Variants in ZNF385B observed in about 807,000 individuals in gnomAD.
The protein encoded by ZNF385B is zinc finger protein 385B.
In ZNF385B, 23 loss-of-function variants were observed where a neutral mutation model predicts 39.2. That is an observed-to-expected ratio of 0.59 (90% confidence interval 0.42 to 0.83). The LOEUF (loss-of-function observed/expected upper bound fraction) is 0.83. ZNF385B is among the 40% of genes least tolerant of loss of function. ZNF385B has a pLI of 0.00. For synonymous variants in ZNF385B, 205 were observed against 222.6 expected (o/e 0.92, Z 0.70); for missense variants, 552 against 598.9 (o/e 0.92, Z 0.82).
chr2:179,631,996 A>G lies in ZNF385B; in HGVS notation c.299-87027T>C, dbSNP rs1038181332. Among the ~76,000 whole-genome samples the G allele has an allele frequency of 4.6e-5, 7 of 152,202 alleles. No homozygotes were observed. In the East Asian group the frequency reaches 1.3e-3, roughly 29 times the overall value. On this transcript the variant is annotated intron_variant, in intron 3 of 9. Coordinates refer to ENST00000410066, the MANE Select transcript of ZNF385B (RefSeq NM_152520.6). Reference sequence around the variant, plus strand: ...ATCAATTCAACAAGACGAGCTAACTATCCTAAATATATATGCACCCATTTC... The same window carrying G: ...ATCAATTCAACAAGACGAGCTAACTGTCCTAAATATATATGCACCCATTTC...
At chr2:179,493,681 A>ATATATGTACACGCATATGCATATATG (rs1559336508) in intron 5 of ZNF385B, among the ~76,000 whole-genome samples, 1 of 117,190 alleles carries the variant, frequency 8.5e-6, no homozygotes, top group Non-Finnish European at 1.8e-5. Context: ...ATGCATATAC[A>ATATATGTACACGCATATGCATATATG]TATACACATA....
At chr2:179,505,352 T>C (rs1051624256) in intron 5 of ZNF385B, among the ~76,000 whole-genome samples, 10 of 152,030 alleles carry the variant, frequency 6.6e-5, no homozygotes, top group African/African-American at 2.4e-4. Flanking sequence ...GCAGTGTATA[T>C]AGGACATTTT....
At chr2:179,666,564 T>C (rs1364319037) in intron 3 of ZNF385B, among the ~76,000 whole-genome samples, 1 of 152,222 alleles carries the variant, frequency 6.6e-6, no homozygotes, top group African/African-American at 2.4e-5. Flanking sequence ...TATATAATCA[T>C]AGAATCTCAA....
intron 1 of ZNF385B, among the ~76,000 whole-genome samples, chr2:179,813,420 T>C (rs1036028012): frequency 3.3e-5 from 5 of 152,076 alleles, no homozygotes; most frequent in African/African-American, 1.2e-4. Flanking sequence ...TGCGTGAAAG[T>C]AAAAGGCAGA....
chr2:179,736,993 T>C (rs1211744850), intron 3 of ZNF385B, among the ~76,000 whole-genome samples: 1 of 152,138 alleles, frequency 6.6e-6, no homozygotes, highest in African/African-American at 2.4e-5. Flanking sequence ...CAAAACTTTA[T>C]ACTGGAGTAA....
intron 3 of ZNF385B, among the ~76,000 whole-genome samples, chr2:179,762,651 G>A (rs1452951896): frequency 6.6e-6 from 1 of 152,014 alleles, no homozygotes. Context: ...TATTCTGTAG[G>A]GTTTCTAAAA....
intron 3 of ZNF385B, among the ~76,000 whole-genome samples, chr2:179,708,866 A>G (rs1699803193): frequency 6.6e-6 from 1 of 152,218 alleles, no homozygotes. Flanking sequence ...CATACCCCAA[A>G]CAAAACAGCC....
intron 3 of ZNF385B, among the ~76,000 whole-genome samples, chr2:179,764,110 T>C (rs1489164614): frequency 6.6e-6 from 1 of 152,194 alleles, no homozygotes; most frequent in Non-Finnish European, 1.5e-5. Context: ...CTATCAGTTT[T>C]TGCTTCATGT....
intron 3 of ZNF385B, among the ~76,000 whole-genome samples, chr2:179,748,586 T>A (rs1206933466): frequency 6.6e-6 from 1 of 152,142 alleles, no homozygotes; most frequent in African/African-American, 2.4e-5. Context: ...TGCTATAAAC[T>A]ACTTGCAATA....
At chr2:179,670,537 A>G (rs13401562) in intron 3 of ZNF385B, among the ~76,000 whole-genome samples, 2,472 of 152,286 alleles carry the variant, frequency 0.016, 55 homozygotes, top group African/African-American at 0.056. Flanking sequence ...TTTGTTACTC[A>G]CTTTGAAATA....
chr2:179,489,024 G>A (rs890420757), intron 5 of ZNF385B, among the ~76,000 whole-genome samples: 1 of 152,104 alleles, frequency 6.6e-6, no homozygotes, highest in African/African-American at 2.4e-5. Flanking sequence ...TAAAATGGGA[G>A]GTACCAAGAA....
intron 3 of ZNF385B, among the ~76,000 whole-genome samples, chr2:179,755,726 T>C (rs1368808495): frequency 2.0e-5 from 3 of 152,200 alleles, no homozygotes; most frequent in Non-Finnish European, 4.4e-5. Context: ...TGGTTTAAAG[T>C]CTGTTTTATC....
At chr2:179,708,197 T>C (rs114203280) in intron 3 of ZNF385B, among the ~76,000 whole-genome samples, 1,736 of 152,290 alleles carry the variant, frequency 0.011, 30 homozygotes, top group African/African-American at 0.038. Flanking sequence ...GGGAGGGACC[T>C]GGTAGGAGGT....
At chr2:179,451,366 T>G (rs913351748) in intron 6 of ZNF385B, among the ~76,000 whole-genome samples, 3 of 151,782 alleles carry the variant, frequency 2.0e-5, no homozygotes, top group Admixed American at 6.6e-5. Flanking sequence ...GTTTTCTTGG[T>G]GAATACCTGG....
intron 6 of ZNF385B, among the ~76,000 whole-genome samples, chr2:179,451,489 C>A (rs1422897024): frequency 6.6e-6 from 1 of 152,156 alleles, no homozygotes; most frequent in East Asian, 1.9e-4. Context: ...TAAGGGCAGA[C>A]ACTTTCCTTT....
intron 5 of ZNF385B, among the ~76,000 whole-genome samples, chr2:179,493,793 A>ACATATGTGTATATACATATATGTATG (rs2055817895): frequency 6.9e-6 from 1 of 144,978 alleles, no homozygotes; most frequent in Non-Finnish European, 1.5e-5. Flanking sequence ...ACATATGTAT[A>ACATATGTGTATATACATATATGTATG]CATATATGTA....
chr2:179,671,382 G>A (rs1420425285), intron 3 of ZNF385B, among the ~76,000 whole-genome samples: 1 of 152,126 alleles, frequency 6.6e-6, no homozygotes, highest in Non-Finnish European at 1.5e-5. Context: ...TTTAAAAATG[G>A]AATTATTAAT....
chr2:179,847,201 A>G (rs1708840758), intron 1 of ZNF385B, among the ~76,000 whole-genome samples: 1 of 152,204 alleles, frequency 6.6e-6, no homozygotes. Context: ...CCCTATGACC[A>G]GGCTATAGCT....
intron 3 of ZNF385B, among the ~76,000 whole-genome samples, chr2:179,655,439 T>C (rs752489114): frequency 2.6e-5 from 4 of 151,930 alleles, no homozygotes; most frequent in Admixed American, 6.6e-5. Context: ...CCCTTCTCCA[T>C]TGGAGTTTTG....
Sources: gnomAD v4.1 joint callset for allele counts (sites outside exome capture counted in the v4.1 genomes callset) on GRCh38, gnomAD v4.1.1 for gene constraint, MANE v1.5 for transcripts, NCBI Gene and HGNC (gene_info 2026-07-23, HGNC 2026-07-21) for gene names.